Variants in CALN1 observed in about 807,000 individuals in gnomAD.
CALN1 encodes calneuron 1.
CALN1 carries 17 observed loss-of-function variants against 30.6 expected under a neutral mutation model. The observed-to-expected ratio is 0.56, with a 90% CI of 0.38 to 0.83. CALN1 has a LOEUF of 0.83. CALN1 is among the 40% of genes least tolerant of loss of function. The pLI is 0.00. For synonymous variants in CALN1, 156 were observed against 131.4 expected, an observed-to-expected ratio of 1.19 and a Z score of -1.28; for missense variants, 291 against 354.9, an observed-to-expected ratio of 0.82 and a Z score of 1.45.
chr7:71,979,411 C>T (rs960915978), intron 5 of CALN1, among the ~76,000 whole-genome samples: 8 of 152,130 alleles, frequency 5.3e-5, no homozygotes, highest in Non-Finnish European at 1.2e-4. Flanking sequence ...GAGACAGTGA[C>T]AGATCATCAG....
At chr7:72,213,219 T>C (rs1792536940) in intron 3 of CALN1, among the ~76,000 whole-genome samples, 1 of 152,246 alleles carries the variant, frequency 6.6e-6, no homozygotes, top group Non-Finnish European at 1.5e-5. Context: ...AGACGTTATC[T>C]TTGTTCTCCG....
At chr7:72,270,717 G>C (rs1203172247) in intron 3 of CALN1, among the ~76,000 whole-genome samples, 1 of 152,258 alleles carries the variant, frequency 6.6e-6, no homozygotes, top group Non-Finnish European at 1.5e-5. Context: ...CAATGCTACA[G>C]TGAGCCATGT....
intron 3 of CALN1, among the ~76,000 whole-genome samples, chr7:72,180,602 TTTTTC>T (rs1789701083): frequency 7.7e-6 from 1 of 129,648 alleles, no homozygotes; most frequent in Non-Finnish European, 1.7e-5. Flanking sequence ...TTTATGCTTT[TTTTTC>T]TTTTTTTTTT....
At chr7:71,815,729 C>T (rs529378835) in intron 5 of CALN1, among the ~76,000 whole-genome samples, 3 of 149,244 alleles carry the variant, frequency 2.0e-5, no homozygotes, top group South Asian at 4.2e-4. Context: ...TTCCTTTCTT[C>T]CTTCCTTCCT....
intron 3 of CALN1, among the ~76,000 whole-genome samples, chr7:72,162,339 T>A (rs914921351): frequency 2.0e-5 from 3 of 151,968 alleles, no homozygotes; most frequent in African/African-American, 7.3e-5. Flanking sequence ...CAGCAATAAA[T>A]TCTAAACAAA....
chr7:72,037,370 T>G (rs1584797585), intron 4 of CALN1, among the ~76,000 whole-genome samples: 1 of 152,158 alleles, frequency 6.6e-6, no homozygotes, highest in Non-Finnish European at 1.5e-5. Context: ...CAGGATGGTC[T>G]CCATCTCCTG....
intron 3 of CALN1, among the ~76,000 whole-genome samples, chr7:72,245,808 A>G (rs780993639): frequency 1.3e-5 from 2 of 152,056 alleles, no homozygotes; most frequent in East Asian, 1.9e-4. Context: ...GCAAAACTCA[A>G]AAGACCAGTT....
intron 2 of CALN1, among the ~76,000 whole-genome samples, chr7:72,376,275 G>A (rs369684187): frequency 1.3e-5 from 2 of 152,150 alleles, no homozygotes; most frequent in African/African-American, 2.4e-5. Flanking sequence ...GGAACTGCTG[G>A]ATCCTATGGT....
intron 6 of CALN1, among the ~76,000 whole-genome samples, chr7:71,804,789 CT>C: frequency 6.6e-6 from 1 of 152,244 alleles, no homozygotes; most frequent in East Asian, 1.9e-4. Context: ...TGGCAAAACC[CT>C]GTCTCTACTA....
chr7:72,501,908 CAAAAAAAAAAAA>C, the CALN1 span, among the ~76,000 whole-genome samples: 1 of 24,734 alleles, frequency 4.0e-5, no homozygotes, highest in African/African-American at 2.6e-4. Context: ...GATTTCGTCT[CAAAAAAAAAAAA>C]AAAAAAAAAT....
chr7:72,454,420 T>C, the CALN1 span, among the ~76,000 whole-genome samples: 1 of 152,128 alleles, frequency 6.6e-6, no homozygotes, highest in South Asian at 2.1e-4. Flanking sequence ...ATGAACGCCC[T>C]GTCCCACTGG....
intron 2 of CALN1, among the ~76,000 whole-genome samples, chr7:72,366,468 G>A (rs1310273388): frequency 2.6e-5 from 4 of 152,198 alleles, no homozygotes; most frequent in East Asian, 3.9e-4. Context: ...GAGCTACAGC[G>A]CCTGATGTAT....
At position 72,273,404 on chromosome 7, in the gene CALN1, A is replaced by T. The variant is rs554531308; in HGVS notation, c.244+5282T>A. Among the ~76,000 whole-genome samples, 21 of 130,264 alleles carry T rather than the reference A, an allele frequency of 1.6e-4. No homozygotes were observed. In the East Asian group the frequency reaches 3.2e-3, roughly 20 times the overall value. 85.5% of individuals were successfully genotyped at this position (130,264 alleles called of 152,430 possible). ...ACCACTGCACTCCAGCCTGGGCAAC[A>T]GAGCAAGACTCCATCTCAAAAAAAA... On this transcript the variant is annotated intron_variant, in intron 3 of 6. Coordinates refer to ENST00000395275, the MANE Select transcript of CALN1 (RefSeq NM_031468.4).
At chr7:71,852,819 C>T (rs369195636) in intron 5 of CALN1, among the ~76,000 whole-genome samples, 2 of 152,012 alleles carry the variant, frequency 1.3e-5, no homozygotes, top group Non-Finnish European at 2.9e-5. Context: ...TGATGTTGTA[C>T]GTCTTTATAT....
intron 5 of CALN1, among the ~76,000 whole-genome samples, chr7:71,977,792 C>A (rs1798172673): frequency 6.6e-6 from 1 of 151,912 alleles, no homozygotes; most frequent in African/African-American, 2.4e-5. Flanking sequence ...ATTAACCGTG[C>A]ATGGTGGCGG....
chr7:71,967,643 G>GAAAGAAAGA (rs1554399066), intron 5 of CALN1, among the ~76,000 whole-genome samples: 7 of 137,180 alleles, frequency 5.1e-5, no homozygotes, highest in East Asian at 2.1e-4. Context: ...AAAAAAAAAA[G>GAAAGAAAGA]AAAGAAAAGA....
intron 5 of CALN1, among the ~76,000 whole-genome samples, chr7:71,860,823 G>A (rs1038960979): frequency 6.6e-6 from 1 of 152,096 alleles, no homozygotes; most frequent in Non-Finnish European, 1.5e-5. Flanking sequence ...CTCTGCCAGG[G>A]ATGATTAATG....
At chr7:72,371,401 C>T (rs1257323795) in intron 2 of CALN1, among the ~76,000 whole-genome samples, 2 of 152,164 alleles carry the variant, frequency 1.3e-5, no homozygotes, top group African/African-American at 4.8e-5. Context: ...GTAATTAAAT[C>T]ATGGGAGCAC....
intron 3 of CALN1, among the ~76,000 whole-genome samples, chr7:72,172,292 C>T (rs1789027770): frequency 6.6e-6 from 1 of 152,224 alleles, no homozygotes; most frequent in Admixed American, 6.5e-5. Flanking sequence ...CATAAAGATG[C>T]ATGAGATGTC....
Sources: allele counts gnomAD v4.1 joint callset (sites outside exome capture counted in the v4.1 genomes callset), GRCh38; gene constraint gnomAD v4.1.1; transcripts MANE v1.5; gene names NCBI Gene and HGNC (gene_info 2026-07-23, HGNC 2026-07-21).